Variants in KIF1C observed in about 807,000 individuals in gnomAD.
The protein encoded by KIF1C is kinesin family member 1C, also known as kinesin-like protein KIF1C.
A neutral mutation model predicts 126.5 loss-of-function variants in KIF1C; 61 were observed. The ratio of observed to expected loss-of-function variants is 0.48; its 90% CI spans 0.39 to 0.60. The LOEUF (loss-of-function observed/expected upper bound fraction) is 0.60. Among genes scored for constraint, KIF1C ranks in the 20% least tolerant of loss-of-function variants. The pLI is 0.00. For synonymous variants in KIF1C, 640 were observed against 580.6 expected, an observed-to-expected ratio of 1.10 and a Z score of -1.47; for missense variants, 1,315 against 1,489.2, an observed-to-expected ratio of 0.88 and a Z score of 1.93.
In KIF1C at chr17:5,026,101, A is replaced by G. The variant is rs1975204144; in HGVS notation, c.*1950A>G. The G allele has an allele frequency of 6.6e-6, 1 of 152,244 alleles. No individual in the cohort carries two copies. Among genetic ancestry groups the G allele is most frequent in the Non-Finnish European group, 1.5e-5 (1 of 68,060 alleles). The allele number at this position is 152,244 out of a possible 1,614,324, so 9.4% of individuals were successfully genotyped here. A position where few individuals can be genotyped will look rare whatever the true frequency, so the allele number is the denominator to read the frequency against. ...TGCAGCCAAACCACGGCTCTGGGCG[A>G]AGGAACGATTAGGTTTACTCTAGGT... On this transcript the variant is annotated 3_prime_UTR_variant, in exon 23 of 23. Coordinates refer to ENST00000320785, the MANE Select transcript of KIF1C (RefSeq NM_006612.6).
intron 5 of KIF1C, 150 bp downstream of exon 5, chr17:5,001,551 A>G: frequency 1.2e-6 from 1 of 802,224 alleles, no homozygotes; most frequent in South Asian, 1.8e-5. Flanking sequence ...CAAGCTGGAC[A>G]ACCCTCTGGG....
chr17:5,015,313 C>G (rs533169048), intron 18 of KIF1C, among the ~76,000 whole-genome samples: 1 of 151,158 alleles, frequency 6.6e-6, no homozygotes, highest in African/African-American at 2.4e-5. Flanking sequence ...ACGGAGTGTT[C>G]GCTCTTGTCG....
In KIF1C at chr17:5,002,764, C is replaced by T. The variant is rs371675812; in HGVS notation, c.642C>T (p.Ser214=). The T allele has an allele frequency of 1.9e-6, 3 of 1,613,928 alleles. No individual in the cohort carries two copies. Among genetic ancestry groups the T allele is most frequent in the Non-Finnish European group, 2.5e-6 (3 of 1,179,996 alleles). Residue 214 remains serine (S), a synonymous_variant, in exon 8 of 23, where the codon AGC becomes AGT. Transcript: ENST00000320785. ...TVAATNMNET[S]SRSHAVFTIV... is the part of the protein sequence containing the mutation. ...CTGCCACCAACATGAATGAGACCAGCAGCCGTTCCCATGCCGTCTTTACCA... is the reference window on the plus strand; with the variant it reads ...CTGCCACCAACATGAATGAGACCAGTAGCCGTTCCCATGCCGTCTTTACCA...
Position 5,022,275 on chromosome 17 carries a change from C to T in KIF1C, c.2194C>T (p.Arg732Cys), listed in dbSNP as rs779215813. 3.1e-6 allele frequency: 5 copies of T among 1,613,976 alleles called. No homozygotes were observed. The highest frequency in any genetic ancestry group is 1.3e-5 in the African/African-American group (1 of 75,048). ...CAGGGTTTATCAGATCCCCCAGCGA[C>T]GCAGGCTGCAGGGCAAAGACCCCCG... Reference protein sequence around the residue: ...PRRVYQIPQRRRLQGKDPRWA... With the variant: ...PRRVYQIPQRCRLQGKDPRWA... The change falls in exon 22 of 23, where the codon CGC (arginine) becomes TGC (cysteine). Residue 732 changes from arginine (R) to cysteine (C), a missense_variant. This residue lies in a region of KIF1C where 874 missense variants were observed against 1,053.2 expected (regional missense o/e 0.83). Coordinates refer to ENST00000320785, the MANE Select transcript of KIF1C (RefSeq NM_006612.6). This position sits in a 1 kb window ranked among gnomAD's most constrained non-coding sequence, Gnocchi z 4.9.
chr17:5,012,019 C>T (rs1452196940), intron 16 of KIF1C: 2 of 152,178 alleles, frequency 1.3e-5, no homozygotes, highest in African/African-American at 2.4e-5. Context: ...ACTCAACCCC[C>T]TGGGAACAAA....
rs1036799571 is a variant in KIF1C at position 5,028,129 on chromosome 17, T to G, written c.*3978T>G. On this transcript the variant is annotated 3_prime_UTR_variant, in exon 23 of 23. Coordinates refer to ENST00000320785, the MANE Select transcript of KIF1C (RefSeq NM_006612.6). ...AGTGACAGCAGCTATTTCGTGGGCC[T>G]CCTCTGGAATCATGAGAAGTCACCC... 6 of 152,272 alleles carry G rather than the reference T, an allele frequency of 3.9e-5. No homozygotes were observed. The highest frequency in any genetic ancestry group is 9.6e-5 in the African/African-American group (4 of 41,568). The allele number at this position is 152,272 out of a possible 1,614,324, so 9.4% of individuals were successfully genotyped here. A position where few individuals can be genotyped will look rare whatever the true frequency, so the allele number is the denominator to read the frequency against.
In KIF1C at chr17:5,003,639, G is replaced by T; in HGVS notation, c.748G>T (p.Ala250Ser). The part of the protein sequence containing the change: ...KVSKISLVDL[A>S]GSERADSSGA... ...CAGTAAGATCAGTTTGGTGGACCTT[G>T]CTGGGAGTGAGCGAGCCGACTCCTC... The change falls in exon 9 of 23, where the codon GCT becomes TCT. Residue 250 changes from alanine (A) to serine (S), a missense_variant. Physicochemically the swap from Ala to Ser is moderately conservative, Grantham distance 99. Transcript: ENST00000320785. 2 of 1,613,684 alleles carry T rather than the reference G, an allele frequency of 1.2e-6. No homozygotes were observed. The highest frequency in any genetic ancestry group is 1.7e-6 in the Non-Finnish European group (2 of 1,179,840).
intron 21 of KIF1C, among the ~76,000 whole-genome samples, 183 bp from the exon 22 acceptor site, chr17:5,021,909 C>G (rs1203660831): frequency 6.6e-6 from 1 of 152,180 alleles, no homozygotes; most frequent in African/African-American, 2.4e-5. Context: ...CCGTCACTAT[C>G]TCTGTTGTCT....
Position 5,023,640 on chromosome 17 carries a change from T to A in KIF1C, c.2801T>A (p.Phe934Tyr). ...CGGCTCATGGAGGAGGACCCTGCCT[T>A]CCGTCGTGGTCGTCTTCGCTGGCTC... ...VSRLMEEDPA[F>Y]RRGRLRWLKQ... Residue 934 changes from phenylalanine (F) to tyrosine (Y), a missense_variant, in exon 23 of 23, where the codon TTC becomes TAC. This residue lies in a region of KIF1C where 441 missense variants were observed against 436.1 expected (regional missense o/e 1.01). Coordinates refer to ENST00000320785, the MANE Select transcript of KIF1C (RefSeq NM_006612.6). This position sits in a 1 kb window ranked among gnomAD's most constrained non-coding sequence, Gnocchi z 4.2. 6.2e-7 allele frequency: 1 copy of A among 1,613,016 alleles called. No individual in the cohort carries two copies.
At chr17:5,017,322 C>T (rs545037708) in intron 18 of KIF1C, among the ~76,000 whole-genome samples, 125 of 110,260 alleles carry the variant, frequency 1.1e-3, no homozygotes, top group Non-Finnish European at 1.7e-3. Flanking sequence ...TTTTTTGAGA[C>T]GGAGTCTCGC....
chr17:5,006,217 T>C (rs1974729878), intron 13 of KIF1C, among the ~76,000 whole-genome samples: 1 of 151,476 alleles, frequency 6.6e-6, no homozygotes, highest in Admixed American at 6.6e-5. Flanking sequence ...GAAAAAAAAG[T>C]TCGACACAGA....
At chr17:5,006,602 C>T (rs1285965050) in intron 13 of KIF1C, among the ~76,000 whole-genome samples, 1 of 152,190 alleles carries the variant, frequency 6.6e-6, no homozygotes, top group Non-Finnish European at 1.5e-5. Flanking sequence ...TCCCAAAGTG[C>T]TGGGATTACA....
In KIF1C at chr17:5,023,937, C is replaced by T. The variant is rs779584975; in HGVS notation, c.3098C>T (p.Ser1033Phe). The T allele has an allele frequency of 6.4e-6, 10 of 1,573,724 alleles. No homozygotes were observed. Among genetic ancestry groups the T allele is most frequent in the Middle Eastern group, 1.7e-4 (1 of 5,848 alleles). Residue 1033 changes from serine to phenylalanine, a missense_variant, in exon 23 of 23, where the codon TCC becomes TTC. Coordinates refer to ENST00000320785, the MANE Select transcript of KIF1C (RefSeq NM_006612.6). This position sits in a 1 kb window ranked among gnomAD's most constrained non-coding sequence, Gnocchi z 4.2. ...PRRSHHPRRN[S>F]LDGGGRSRGA... The stretch of plus-strand genomic sequence containing the variant: ...AGGTCCCACCATCCCCGCAGGAACT[C>T]CCTGGATGGAGGGGGCCGATCCCGG...
chr17:5,010,168 C>G (rs1247791632), intron 16 of KIF1C, among the ~76,000 whole-genome samples: 1 of 152,180 alleles, frequency 6.6e-6, no homozygotes, highest in African/African-American at 2.4e-5. Flanking sequence ...TCAAATGATG[C>G]ACTGGCCTTG....
At position 5,004,901 on chromosome 17, in the gene KIF1C, G is replaced by A; in HGVS notation, c.1066G>A (p.Glu356Lys). Residue 356 changes from glutamate (E) to lysine (K), a missense_variant, in exon 13 of 23, where the codon GAG becomes AAG. By Grantham distance (56) the Glu-to-Lys change is moderately conservative. Coordinates refer to ENST00000320785, the MANE Select transcript of KIF1C (RefSeq NM_006612.6). ...KQIRCNAIINEDPNARLIREL... is the reference protein window; with the variant it reads ...KQIRCNAIINKDPNARLIREL... ...AATCCGCTGCAATGCCATCATCAACGAGGACCCTAATGCCCGGCTGATTAG... is the reference window on the plus strand; with the variant it reads ...AATCCGCTGCAATGCCATCATCAACAAGGACCCTAATGCCCGGCTGATTAG... 2 of 1,614,216 alleles carry A rather than the reference G, an allele frequency of 1.2e-6. No homozygotes were observed. Among genetic ancestry groups the A allele is most frequent in the Non-Finnish European group, 1.7e-6 (2 of 1,180,044 alleles).
In KIF1C at chr17:5,025,090, C is replaced by G. The variant is rs1163293454; in HGVS notation, c.*939C>G. ...TTCACCATATTGGCCAGGCTGGTCT[C>G]GAACTCCTGATGACCTCAAGTGATC... On this transcript the variant is annotated 3_prime_UTR_variant, in exon 23 of 23. Transcript: ENST00000320785. The G allele has an allele frequency of 6.6e-6, 1 of 152,116 alleles. No individual in the cohort carries two copies. The highest frequency in any genetic ancestry group is 2.4e-5 in the African/African-American group (1 of 41,414). 9.4% of individuals were successfully genotyped at this position (152,116 alleles called of 1,614,324 possible). A position where few individuals can be genotyped will look rare whatever the true frequency, so the allele number is the denominator to read the frequency against.
rs1974696076 is a variant in KIF1C, at chr17:5,005,080, G to T, written c.1165+80G>T. ...TCCTCACTTGCCTTTGCCCAGTCCT[G>T]GAGCCAGGGAGGGACCACACACTAT... On this transcript the variant is annotated intron_variant, in intron 13 of 22. Coordinates refer to ENST00000320785, the MANE Select transcript of KIF1C (RefSeq NM_006612.6). 1.9e-6 allele frequency: 3 copies of T among 1,567,634 alleles called. No homozygotes were observed. The South Asian group carries it at 3.4e-5, about 18-fold the overall frequency.
Position 5,022,566 on chromosome 17 carries a change from G to T in KIF1C, c.2485G>T (p.Glu829Ter). 6.3e-7 allele frequency: 1 copy of T among 1,596,668 alleles called. No homozygotes were observed. The highest frequency in any genetic ancestry group is 2.3e-5 in the East Asian group (1 of 44,132). The change falls in exon 22 of 23, where the codon GAG (glutamate) becomes TAG (stop). Residue 829 changes from glutamate (E) to a stop codon, truncating the protein, a stop_gained. Transcript: ENST00000320785. LOFTEE classifies it high-confidence loss of function. The surrounding 1 kb of genome is among the most constrained non-coding windows in gnomAD (Gnocchi z 4.9). ...CAGTGAGGAGGGAGCCCGAGGGGCGGAGGTGGAGGACCTCCGGGCCCACAT... is the reference window on the plus strand; with the variant it reads ...CAGTGAGGAGGGAGCCCGAGGGGCGTAGGTGGAGGACCTCCGGGCCCACAT... ...GGSEEGARGA[E>*]VEDLRAHIDK...
intron 16 of KIF1C, 82 bp from the exon 17 acceptor site, chr17:5,013,571 T>A: frequency 1.0e-6 from 1 of 961,800 alleles, no homozygotes; most frequent in Non-Finnish European, 1.7e-6. Flanking sequence ...ACTGGAGGGG[T>A]GTCTCCTCCC....
Sources: gnomAD v4.1 joint callset for allele counts (sites outside exome capture counted in the v4.1 genomes callset) on GRCh38, gnomAD v4.1.1 for gene constraint, gnomAD v4.1.1 regional missense constraint, Gnocchi (gnomAD v3.1) non-coding constraint, MANE v1.5 for transcripts, NCBI Gene and HGNC (gene_info 2026-07-23, HGNC 2026-07-21) for gene names.